CPNE4: variants seen among roughly 807,000 people sequenced by gnomAD.
The protein encoded by CPNE4 is copine 4, also known as copine-4.
Under a neutral mutation model 67.9 loss-of-function variants are expected in CPNE4, and 25 were observed. The ratio of observed to expected loss-of-function variants is 0.37; its 90% CI spans 0.27 to 0.51. The LOEUF (loss-of-function observed/expected upper bound fraction) is 0.51, where lower values mean the gene tolerates loss of function less well. Among genes scored for constraint, CPNE4 ranks in the 20% least tolerant of loss-of-function variants. The pLI is 0.93. For missense variants in CPNE4, 464 were observed against 690.8 expected (o/e 0.67, Z 3.68); for synonymous variants, 242 against 244.9 (o/e 0.99, Z 0.11).
At chr3:131,709,585 G>A (rs2081509144) in intron 3 of CPNE4, among the ~76,000 whole-genome samples, 2 of 152,210 alleles carry the variant, frequency 1.3e-5, no homozygotes, top group African/African-American at 4.8e-5. Context: ...GCATGGAACT[G>A]TTTAGTAGTT....
intron 2 of CPNE4, among the ~76,000 whole-genome samples, chr3:131,803,542 C>T (rs2084206497): frequency 6.6e-6 from 1 of 152,156 alleles, no homozygotes; most frequent in Non-Finnish European, 1.5e-5. Context: ...GGGACTCTCT[C>T]CTGAGTAAAG....
intron 9 of CPNE4, among the ~76,000 whole-genome samples, chr3:131,575,560 G>A (rs1299052931): frequency 6.6e-6 from 1 of 152,066 alleles, no homozygotes; most frequent in Admixed American, 6.6e-5. Context: ...AATACCATTG[G>A]CTGAGAAGGT....
chr3:131,950,194 G>A (rs1438569977), intron 1 of CPNE4, among the ~76,000 whole-genome samples: 1 of 152,176 alleles, frequency 6.6e-6, no homozygotes, highest in Non-Finnish European at 1.5e-5. Context: ...CTTGTTTTAT[G>A]TGTGCTTCTT....
chr3:131,737,115 C>CTTTTTT (rs71788145), intron 2 of CPNE4, among the ~76,000 whole-genome samples: 3 of 49,398 alleles, frequency 6.1e-5, no homozygotes, highest in African/African-American at 1.5e-4. Context: ...AGTATTGTGT[C>CTTTTTT]TTTTTTTTTT....
chr3:131,990,172 GACC>G (rs2073144183), intron 1 of CPNE4, among the ~76,000 whole-genome samples: 1 of 136,008 alleles, frequency 7.4e-6, no homozygotes, highest in Non-Finnish European at 1.7e-5. Flanking sequence ...AAACTTATAT[GACC>G]ACATCTCCAA....
At chr3:131,870,464 T>C (rs915147406) in intron 2 of CPNE4, among the ~76,000 whole-genome samples, 3 of 152,116 alleles carry the variant, frequency 2.0e-5, no homozygotes, top group Admixed American at 6.6e-5. Flanking sequence ...GACAAGTGGT[T>C]ACAATTTTGA....
chr3:131,902,172 T>C (rs917995133), intron 2 of CPNE4, among the ~76,000 whole-genome samples: 4 of 152,088 alleles, frequency 2.6e-5, no homozygotes, highest in African/African-American at 7.2e-5. Flanking sequence ...CAATGAACCA[T>C]ATGATTAAGC....
chr3:131,565,212 T>TCTC (rs1427141289), intron 10 of CPNE4, among the ~76,000 whole-genome samples: 1 of 151,780 alleles, frequency 6.6e-6, no homozygotes, highest in African/African-American at 2.4e-5. Flanking sequence ...CCAGCAAAAA[T>TCTC]CTCTTTAAAA....
At chr3:131,959,651 C>A (rs1349172913) in intron 1 of CPNE4, among the ~76,000 whole-genome samples, 1 of 152,176 alleles carries the variant, frequency 6.6e-6, no homozygotes, top group Non-Finnish European at 1.5e-5. Context: ...TCCACTCAGT[C>A]TAGCTTACTT....
chr3:131,850,769 T>G (rs1356820386), intron 2 of CPNE4, among the ~76,000 whole-genome samples: 1 of 152,088 alleles, frequency 6.6e-6, no homozygotes, highest in Non-Finnish European at 1.5e-5. Context: ...ATCATTTCAT[T>G]TAACCCCCAT....
At chr3:131,996,035 T>C (rs1304057359) in intron 1 of CPNE4, among the ~76,000 whole-genome samples, 1 of 152,184 alleles carries the variant, frequency 6.6e-6, no homozygotes, top group African/African-American at 2.4e-5. Flanking sequence ...ATATCTGACA[T>C]TCACTAGCAC....
chr3:131,628,857 G>T (rs1185538076), intron 7 of CPNE4, among the ~76,000 whole-genome samples: 2 of 145,264 alleles, frequency 1.4e-5, no homozygotes, highest in Non-Finnish European at 3.0e-5. Flanking sequence ...CCAGCTCCTG[G>T]ATTCATTGAT....
intron 1 of CPNE4, among the ~76,000 whole-genome samples, chr3:132,019,282 C>A (rs907190336): frequency 2.6e-4 from 40 of 152,098 alleles, no homozygotes; most frequent in African/African-American, 8.9e-4. Flanking sequence ...ATCTTCACTT[C>A]CAAGCTACAG....
At chr3:131,814,481 C>T (rs537601895) in intron 2 of CPNE4, among the ~76,000 whole-genome samples, 1 of 148,846 alleles carries the variant, frequency 6.7e-6, no homozygotes, top group African/African-American at 2.5e-5. Context: ...AGGGAGAAAA[C>T]TAGGAATACT....
intron 2 of CPNE4, among the ~76,000 whole-genome samples, chr3:131,841,280 A>G (rs1368229165): frequency 6.6e-6 from 1 of 152,192 alleles, no homozygotes; most frequent in African/African-American, 2.4e-5. Flanking sequence ...CTAAATAGGA[A>G]AAGAGCACAG....
At chr3:131,738,707 G>A (rs1056190120) in intron 2 of CPNE4, among the ~76,000 whole-genome samples, 4 of 152,066 alleles carry the variant, frequency 2.6e-5, no homozygotes, top group African/African-American at 9.7e-5. Context: ...TAGGGGATAT[G>A]TTTAGTGGTT....
intron 6 of CPNE4, among the ~76,000 whole-genome samples, chr3:131,685,564 A>G (rs1166191049): frequency 2.0e-5 from 3 of 152,126 alleles, no homozygotes; most frequent in African/African-American, 2.4e-5. Flanking sequence ...CGGGTGGATC[A>G]TGAGGTCAGG....
At position 131,723,429 on chromosome 3, in the gene CPNE4, G is replaced by A. The variant is rs770896350; in HGVS notation, c.360+17C>T. ...CCTAGGATGGCAAGGAGGAGGAAGG[G>A]ATGTCTGTTGACCCACCTGGCCAAG... On this transcript the variant is annotated intron_variant, in intron 3 of 15. Transcript: ENST00000429747. The A allele has an allele frequency of 6.2e-7, 1 of 1,608,814 alleles. No individual in the cohort carries two copies. The highest frequency in any genetic ancestry group is 1.1e-5 in the South Asian group (1 of 90,758).
intron 6 of CPNE4, among the ~76,000 whole-genome samples, chr3:131,683,639 G>A (rs1011457757): frequency 6.6e-6 from 1 of 152,104 alleles, no homozygotes; most frequent in Non-Finnish European, 1.5e-5. Context: ...GGTGGTGCAG[G>A]CATTCCCTTG....
Sources: gnomAD v4.1 joint callset for allele counts (sites outside exome capture counted in the v4.1 genomes callset) on GRCh38, gnomAD v4.1.1 for gene constraint, MANE v1.5 for transcripts, NCBI Gene and HGNC (gene_info 2026-07-23, HGNC 2026-07-21) for gene names.